FGGY: variants seen among roughly 807,000 people sequenced by gnomAD.
FGGY encodes the protein FGGY carbohydrate kinase domain-containing protein.
FGGY carries 72 observed loss-of-function variants against 71.3 expected under a neutral mutation model. That is an observed-to-expected ratio of 1.01 (90% CI 0.84 to 1.23). The LOEUF (loss-of-function observed/expected upper bound fraction) is 1.23, where lower values mean the gene tolerates loss of function less well. Among genes scored for constraint, FGGY ranks in the 50% most tolerant of loss-of-function variants. FGGY has a pLI of 0.00. For synonymous variants in FGGY, 251 were observed against 250.3 expected (o/e 1.00, Z -0.02); for missense variants, 668 against 682.3 (o/e 0.98, Z 0.23).
chr1:59,394,526 A>G (rs1184142449), intron 5 of FGGY, among the ~76,000 whole-genome samples: 1 of 152,118 alleles, frequency 6.6e-6, no homozygotes, highest in Non-Finnish European at 1.5e-5. Context: ...TTGTTGCGGG[A>G]TTGAACAGGT....
At chr1:59,311,791 G>A (rs2153097319) in intron 1 of FGGY, among the ~76,000 whole-genome samples, 1 of 152,160 alleles carries the variant, frequency 6.6e-6, no homozygotes, top group Middle Eastern at 3.4e-3. Context: ...TGGTATTTCT[G>A]GTTCTAGATC....
intron 8 of FGGY, among the ~76,000 whole-genome samples, chr1:59,597,399 A>G (rs1306236894): frequency 6.6e-6 from 1 of 152,210 alleles, no homozygotes; most frequent in Admixed American, 6.5e-5. Context: ...ACAAGTAGAA[A>G]TTAACCCATC....
At chr1:59,518,366 C>T (rs994938732) in intron 7 of FGGY, among the ~76,000 whole-genome samples, 1 of 152,122 alleles carries the variant, frequency 6.6e-6, no homozygotes, top group African/African-American at 2.4e-5. Flanking sequence ...TTGGGGGGAA[C>T]ATTTATTTAT....
chr1:59,578,381 G>A (rs541514800), intron 8 of FGGY, among the ~76,000 whole-genome samples: 2 of 152,108 alleles, frequency 1.3e-5, no homozygotes, highest in Admixed American at 1.3e-4. Context: ...TATGCATCAA[G>A]TGAGACCTTC....
chr1:59,440,094 CAAA>C (rs140279518), intron 5 of FGGY, among the ~76,000 whole-genome samples: 2,563 of 125,550 alleles, frequency 0.02, 31 homozygotes, highest in African/African-American at 0.051. Flanking sequence ...TTGCAAGGTT[CAAA>C]AAAAAAAAAA....
At chr1:59,659,313 A>G (rs532211731) in intron 11 of FGGY, among the ~76,000 whole-genome samples, 1 of 152,308 alleles carries the variant, frequency 6.6e-6, no homozygotes, top group African/African-American at 2.4e-5. Flanking sequence ...GAGTAATTAA[A>G]TGGGGCCAGA....
intron 14 of FGGY, among the ~76,000 whole-genome samples, chr1:59,710,409 A>G (rs1356367611): frequency 6.6e-6 from 1 of 152,192 alleles, no homozygotes; most frequent in Non-Finnish European, 1.5e-5. Flanking sequence ...TGACTAAAAC[A>G]CCGAAAGCAA....
intron 11 of FGGY, among the ~76,000 whole-genome samples, chr1:59,639,456 A>G (rs933503497): frequency 1.3e-5 from 2 of 152,200 alleles, no homozygotes; most frequent in African/African-American, 4.8e-5. Context: ...ATGCCTACAC[A>G]ACAAATCATG....
chr1:59,521,346 A>C (rs760569930), intron 7 of FGGY, among the ~76,000 whole-genome samples: 4 of 152,118 alleles, frequency 2.6e-5, no homozygotes, highest in Non-Finnish European at 4.4e-5. Flanking sequence ...CCAGGCTCCA[A>C]GGCTTTCTTG....
intron 2 of FGGY, among the ~76,000 whole-genome samples, chr1:59,329,878 G>C (rs2048134261): frequency 6.6e-6 from 1 of 152,150 alleles, no homozygotes; most frequent in South Asian, 2.1e-4. Flanking sequence ...TAGCCACATG[G>C]TGGCTATTAT....
At chr1:59,638,097 C>G (rs994460261) in intron 10 of FGGY, 131 bp from the exon 11 acceptor site, 1 of 836,468 alleles carries the variant, frequency 1.2e-6, no homozygotes, top group African/African-American at 1.7e-5. Flanking sequence ...GTACAGTGGG[C>G]TAGCTTCTCT....
intron 11 of FGGY, among the ~76,000 whole-genome samples, chr1:59,638,723 T>C (rs948257476): frequency 6.6e-6 from 1 of 152,232 alleles, no homozygotes; most frequent in Non-Finnish European, 1.5e-5. Flanking sequence ...AGTAAATCAG[T>C]AGTAAATATT....
intron 4 of FGGY, among the ~76,000 whole-genome samples, chr1:59,363,881 C>T (rs2056086487): frequency 6.6e-6 from 1 of 152,160 alleles, no homozygotes; most frequent in Non-Finnish European, 1.5e-5. Context: ...TATTCTACTA[C>T]TTGAGTTGTG....
At chr1:59,723,628 C>T (rs1418306266) in intron 14 of FGGY, among the ~76,000 whole-genome samples, 2 of 151,132 alleles carry the variant, frequency 1.3e-5, no homozygotes, top group African/African-American at 2.4e-5. Flanking sequence ...TCTGAAGTTA[C>T]TTAGGTCAGC....
intron 4 of FGGY, among the ~76,000 whole-genome samples, chr1:59,354,597 CG>C (rs1216426838): frequency 2.0e-5 from 3 of 152,056 alleles, no homozygotes; most frequent in Non-Finnish European, 4.4e-5. Context: ...GTGATGGCTT[CG>C]GGAGGATCTG....
intron 10 of FGGY, among the ~76,000 whole-genome samples, chr1:59,634,160 A>C (rs1387934667): frequency 6.6e-6 from 1 of 152,168 alleles, no homozygotes; most frequent in Non-Finnish European, 1.5e-5. Flanking sequence ...TAATCCCAGC[A>C]CTTTGAGAGG....
intron 6 of FGGY, among the ~76,000 whole-genome samples, chr1:59,509,632 C>CT (rs1005785222): frequency 7.9e-5 from 12 of 152,168 alleles, no homozygotes; most frequent in Non-Finnish European, 1.6e-4. Context: ...CCCCTTCTCC[C>CT]TTTTTTCTGT....
chr1:59,360,127 G>GTTGTTATTATTATTA (rs60160244), intron 4 of FGGY, among the ~76,000 whole-genome samples: 29 of 145,710 alleles, frequency 2.0e-4, no homozygotes, highest in African/African-American at 7.3e-4. Flanking sequence ...TTCTATCATT[G>GTTGTTATTATTATTA]TTATTATTAT....
At chr1:59,711,832 G>A (rs2097796385) in intron 14 of FGGY, among the ~76,000 whole-genome samples, 1 of 152,102 alleles carries the variant, frequency 6.6e-6, no homozygotes, top group Non-Finnish European at 1.5e-5. Flanking sequence ...ACAGCATGGG[G>A]GAATTCAAGA....
Sources: allele counts gnomAD v4.1 joint callset (sites outside exome capture counted in the v4.1 genomes callset), GRCh38; gene constraint gnomAD v4.1.1; transcripts MANE v1.5; gene names NCBI Gene and HGNC (gene_info 2026-07-23, HGNC 2026-07-21).